Variants in LAMA1 observed in about 807,000 individuals in gnomAD.
The protein encoded by LAMA1 is laminin subunit alpha 1.
LAMA1 carries 219 observed loss-of-function variants against 348.7 expected under a neutral mutation model. The observed-to-expected ratio is 0.63, with a 90% CI of 0.56 to 0.70. The LOEUF is 0.70. Ranked by LOEUF, LAMA1 falls within the 30% of genes least tolerant of loss-of-function variation. LAMA1 has a pLI of 0.00. For missense variants in LAMA1, 3,744 were observed against 3,888.0 expected, an observed-to-expected ratio of 0.96 and a Z score of 0.99; for synonymous variants, 1,487 against 1,491.0, an observed-to-expected ratio of 1.00 and a Z score of 0.06.
chr18:7,103,088 T>C (rs1047187545), intron 1 of LAMA1, among the ~76,000 whole-genome samples: 1 of 152,200 alleles, frequency 6.6e-6, no homozygotes, highest in Non-Finnish European at 1.5e-5. Flanking sequence ...TTTCTGCTGC[T>C]GGCTTGTTCC....
chr18:7,100,001 G>A (rs182145303), intron 1 of LAMA1, among the ~76,000 whole-genome samples: 279 of 143,152 alleles, frequency 1.9e-3, no homozygotes, highest in Non-Finnish European at 3.2e-3. Context: ...GGAGCTTGCA[G>A]TGAGCCGAGA....
intron 3 of LAMA1, among the ~76,000 whole-genome samples, chr18:7,055,380 G>A (rs889244252): frequency 1.3e-5 from 2 of 150,204 alleles, no homozygotes; most frequent in Non-Finnish European, 3.0e-5. Context: ...TTGAACCCGG[G>A]AGGCAGAGGT....
chr18:7,036,964 G>C (rs1537422), intron 12 of LAMA1, among the ~76,000 whole-genome samples: 65,418 of 151,942 alleles, frequency 0.43, 14,771 homozygotes, highest in African/African-American at 0.57. Flanking sequence ...TGCGGCATAA[G>C]TGGGGAGGGG....
chr18:6,982,669 C>T, intron 40 of LAMA1, 79 bp from the exon 41 acceptor site: 1 of 1,146,818 alleles, frequency 8.7e-7, no homozygotes, highest in Middle Eastern at 2.3e-4. Context: ...GTGACTCCAT[C>T]AGAGTAGCCC....
chr18:7,014,729 G>A (rs538308236), intron 22 of LAMA1, among the ~76,000 whole-genome samples: 1 of 152,104 alleles, frequency 6.6e-6, no homozygotes, highest in African/African-American at 2.4e-5. Context: ...TAGAAAACTG[G>A]AGGCCTCATG....
chr18:6,967,216 A>G (rs968431262), intron 48 of LAMA1, among the ~76,000 whole-genome samples: 7 of 152,234 alleles, frequency 4.6e-5, no homozygotes, highest in African/African-American at 7.2e-5. Context: ...ATGTATAACT[A>G]TAACTACCTG....
intron 3 of LAMA1, among the ~76,000 whole-genome samples, chr18:7,065,801 A>T (rs1357191717): frequency 6.6e-6 from 1 of 152,228 alleles, no homozygotes; most frequent in Admixed American, 6.5e-5. Flanking sequence ...TTCCCGGGCT[A>T]TCTCAGTTTG....
rs113762855 is a variant in LAMA1 at position 6,974,912 on chromosome 18, T to C, written c.6614A>G (p.His2205Arg). 1.9e-6 allele frequency: 3 copies of C among 1,614,162 alleles called. No homozygotes were observed. In the African/African-American group the frequency reaches 4.0e-5, roughly 22 times the overall value. The part of the protein sequence containing the change: ...PIDDNRWHSI[H>R]VARFGNIGSL... ...GAACATTCTCTTCTACCTGGCTACA[T>C]GGATACTGTGCCATCTGTTGTCATC... Residue 2205 changes from histidine to arginine, a missense_variant, in exon 46 of 63, where the codon CAT (histidine) becomes CGT (arginine). Physicochemically the swap from His to Arg is conservative, Grantham distance 29 (BLOSUM62 0). Coordinates refer to ENST00000389658, the MANE Select transcript of LAMA1 (RefSeq NM_005559.4).
chr18:7,096,929 T>C (rs2058263563), intron 1 of LAMA1, among the ~76,000 whole-genome samples: 1 of 152,180 alleles, frequency 6.6e-6, no homozygotes, highest in Non-Finnish European at 1.5e-5. Flanking sequence ...GGCAGCTCCA[T>C]TCTTACCCCA....
At chr18:7,071,830 G>A (rs866357703) in intron 3 of LAMA1, among the ~76,000 whole-genome samples, 23 of 152,230 alleles carry the variant, frequency 1.5e-4, no homozygotes, top group African/African-American at 4.3e-4. Flanking sequence ...TCTCAGTTTC[G>A]TCATCTGTCA....
intron 1 of LAMA1, among the ~76,000 whole-genome samples, chr18:7,094,373 T>G (rs1005008052): frequency 3.5e-5 from 5 of 140,872 alleles, no homozygotes; most frequent in South Asian, 2.2e-4. Context: ...GCAGTGAGCC[T>G]AGATTATTGC....
chr18:6,965,236 T>G lies in LAMA1; in HGVS notation c.7195+52A>C, dbSNP rs1244323758. ...AAAAGAATGCTGATTTTGAAAAGAT[T>G]TCTATTCTTATGAGGGTGACCGACA... On this transcript the variant is annotated intron_variant, in intron 50 of 62. Coordinates refer to ENST00000389658, the MANE Select transcript of LAMA1 (RefSeq NM_005559.4). 2.5e-6 allele frequency: 4 copies of G among 1,610,208 alleles called. No homozygotes were observed. The Admixed American group carries it at 6.7e-5, about 27-fold the overall frequency.
At chr18:6,980,475 T>C (rs1244823754) in intron 42 of LAMA1, 46 bp downstream of exon 42, 1 of 1,173,232 alleles carries the variant, frequency 8.5e-7, no homozygotes, top group Middle Eastern at 1.9e-4. Flanking sequence ...GTGATGCTTT[T>C]ACAATGAGAA....
intron 48 of LAMA1, among the ~76,000 whole-genome samples, chr18:6,969,907 T>A (rs531549341): frequency 6.6e-6 from 1 of 152,324 alleles, no homozygotes; most frequent in South Asian, 2.1e-4. Flanking sequence ...CGTCAATGAT[T>A]TCAAAATACC....
chr18:7,043,476 C>A, intron 7 of LAMA1, 71 bp from the exon 8 acceptor site: 1 of 1,222,902 alleles, frequency 8.2e-7, no homozygotes. Context: ...TCTTAACCTC[C>A]CTAAGTAAGT....
chr18:7,071,468 A>C (rs957825184), intron 3 of LAMA1, among the ~76,000 whole-genome samples: 1 of 152,222 alleles, frequency 6.6e-6, no homozygotes, highest in Non-Finnish European at 1.5e-5. Flanking sequence ...CATGATTGAT[A>C]CTCACTGTAT....
chr18:7,002,316 C>G lies in LAMA1; in HGVS notation c.4330G>C (p.Gly1444Arg). ...CTSGYYGKVTGSASDCALCAC... is the reference protein window; with the variant it reads ...CTSGYYGKVTRSASDCALCAC... The stretch of plus-strand genomic sequence containing the variant: ...CACAGAGCACAGTCACTTGCTGAGC[C>G]AGTCACCTTCCCGTAGTAGCCAGAA... Residue 1444 changes from glycine to arginine, a missense_variant, in exon 30 of 63, where the codon GGC (glycine) becomes CGC (arginine). By Grantham distance (125) the Gly-to-Arg change is moderately radical. This residue lies in a region of LAMA1 where 1,983 missense variants were observed against 1,934.3 expected (regional missense o/e 1.03). Transcript: ENST00000389658. 6.2e-7 allele frequency: 1 copy of G among 1,613,664 alleles called. No homozygotes were observed. Among genetic ancestry groups the G allele is most frequent in the South Asian group, 1.1e-5 (1 of 91,080 alleles).
rs186338545 is a variant in LAMA1 at position 6,987,432 on chromosome 18, G to C, written c.5169-1085C>G. Among the ~76,000 whole-genome samples, 513 of 152,262 alleles carry C rather than the reference G, an allele frequency of 3.4e-3. 1 individual carries two copies. The highest frequency in any genetic ancestry group is 0.012 in the African/African-American group (488 of 41,572). ...TCATAAAAGCTTTCAAATTCAAATT[G>C]ACAAAAAGATATGATTTGTACCATG... On this transcript the variant is annotated intron_variant, in intron 36 of 62. Transcript: ENST00000389658.
chr18:6,962,598 G>A (rs898257952), intron 51 of LAMA1, among the ~76,000 whole-genome samples: 2 of 152,146 alleles, frequency 1.3e-5, no homozygotes, highest in African/African-American at 2.4e-5. Context: ...TAGTGAGTTT[G>A]GCTACTTGGA....
Sources: allele counts gnomAD v4.1 joint callset (sites outside exome capture counted in the v4.1 genomes callset), GRCh38; gene constraint gnomAD v4.1.1; regional missense constraint gnomAD v4.1.1; transcripts MANE v1.5; gene names NCBI Gene and HGNC (gene_info 2026-07-23, HGNC 2026-07-21).